ZNF711: variants seen among roughly 807,000 people sequenced by gnomAD.
ZNF711 encodes ZFX family zinc finger ZNF711.
Under a neutral mutation model 43.5 loss-of-function variants are expected in ZNF711, and 3 were observed. The ratio of observed to expected loss-of-function variants is 0.07; its 90% CI spans 0.03 to 0.18. The LOEUF (loss-of-function observed/expected upper bound fraction) is 0.18, where lower values mean the gene tolerates loss of function less well. ZNF711 is among the 10% of genes least tolerant of loss of function. ZNF711 has a pLI of 1.00. For synonymous variants in ZNF711, 209 were observed against 207.7 expected (o/e 1.01, Z -0.06); for missense variants, 412 against 604.0 (o/e 0.68, Z 3.33).
chrX:85,255,682 A>T lies in ZNF711; in HGVS notation c.503A>T (p.Asp168Val). Reference sequence around the variant, plus strand: ...GAGGAGGTTCTTGTAACTAATTCAGATACAGAAACTGTGATTCAAGCAGCT... The same window carrying T: ...GAGGAGGTTCTTGTAACTAATTCAGTTACAGAAACTGTGATTCAAGCAGCT... Reference protein sequence around the residue: ...VSEEVLVTNSDTETVIQAAGG... With the variant: ...VSEEVLVTNSVTETVIQAAGG... Residue 168 changes from aspartate to valine, a missense_variant, in exon 5 of 11, where the codon GAT (aspartate) becomes GTT (valine). This residue lies in a region of ZNF711 where 375 missense variants were observed against 514.2 expected (regional missense o/e 0.73). Transcript: ENST00000674551. The T allele has an allele frequency of 1.7e-6, 2 of 1,211,309 alleles. No homozygotes were observed. Among genetic ancestry groups the T allele is most frequent in the South Asian group, 3.5e-5 (2 of 56,969 alleles).
Position 85,271,366 on chromosome X carries a change from C to G in ZNF711, c.1962C>G (p.His654Gln). Residue 654 changes from histidine to glutamine, a missense_variant, in exon 11 of 11, where the codon CAC (histidine) becomes CAG (glutamine). Physicochemically the swap from His to Gln is conservative, Grantham distance 24. Transcript: ENST00000674551. ...CCAATTCAAGTGACCTTAAGCGGCA[C>G]ATCATATCTGTCCATACTAAGGATT... ...KSTNSSDLKRHIISVHTKDFP... is the reference protein window; with the variant it reads ...KSTNSSDLKRQIISVHTKDFP... 1 of 1,210,653 alleles carries G rather than the reference C, an allele frequency of 8.3e-7. No homozygotes were observed. Among genetic ancestry groups the G allele is most frequent in the Non-Finnish European group, 1.1e-6 (1 of 895,012 alleles).
rs1256021194 is a variant in ZNF711, at chrX:85,255,730, T to G, written c.551T>G (p.Val184Gly). ...QAAGGVPGST[V>G]TIKTEDDDDD... Reference sequence around the variant, plus strand: ...GCTGGAGGTGTTCCTGGTTCTACAGTTACTATAAAAACCGAAGATGATGAT... The same window carrying G: ...GCTGGAGGTGTTCCTGGTTCTACAGGTACTATAAAAACCGAAGATGATGAT... The change falls in exon 5 of 11, where the codon GTT (valine) becomes GGT (glycine). Residue 184 changes from valine (V) to glycine (G), a missense_variant. By Grantham distance (109) the Val-to-Gly change is moderately radical. Coordinates refer to ENST00000674551, the MANE Select transcript of ZNF711 (RefSeq NM_001330574.2). 1 of 1,210,793 alleles carries G rather than the reference T, an allele frequency of 8.3e-7. No homozygotes were observed. Among genetic ancestry groups the G allele is most frequent in the Non-Finnish European group, 1.1e-6 (1 of 895,183 alleles).
intron 4 of ZNF711, among the ~76,000 whole-genome samples, chrX:85,252,921 A>G (rs926398590): frequency 4.5e-5 from 5 of 112,086 alleles, no homozygotes; most frequent in African/African-American, 1.6e-4. Context: ...CTTGGTAACT[A>G]ACTTCCATAA....
At chrX:85,262,424 G>A (rs1930736615) in intron 5 of ZNF711, among the ~76,000 whole-genome samples, 2 of 110,029 alleles carry the variant, frequency 1.8e-5, no homozygotes, top group Non-Finnish European at 3.8e-5. Flanking sequence ...AGTTATTTCA[G>A]CCTAAAAGTT....
intron 6 of ZNF711, among the ~76,000 whole-genome samples, chrX:85,264,907 C>T (rs1006899867): frequency 1.4e-4 from 15 of 110,913 alleles, no homozygotes; most frequent in African/African-American, 4.9e-4. Context: ...TACTGCTTGG[C>T]ATATAAGCTT....
chrX:85,269,121 G>A (rs892864737), intron 9 of ZNF711, among the ~76,000 whole-genome samples: 2 of 111,284 alleles, frequency 1.8e-5, no homozygotes, highest in East Asian at 2.8e-4. Context: ...ATGTTAACCC[G>A]TAAAATCAAT....
chrX:85,254,853 C>T (rs1387050244), intron 4 of ZNF711, among the ~76,000 whole-genome samples: 3 of 108,908 alleles, frequency 2.8e-5, no homozygotes, highest in African/African-American at 1.0e-4. Context: ...AAACTATTTT[C>T]GAGAGTGGCT....
At chrX:85,268,248 C>T (rs1173279026) in intron 8 of ZNF711, 46 bp from the exon 9 acceptor site, 106 of 1,126,247 alleles carry the variant, frequency 9.4e-5, no homozygotes, top group Non-Finnish European at 1.2e-4. Context: ...TTATAATTAG[C>T]ATATCAGTTT....
At chrX:85,251,392 A>C (rs1929540039) in intron 4 of ZNF711, among the ~76,000 whole-genome samples, 1 of 111,731 alleles carries the variant, frequency 9.0e-6, no homozygotes, top group African/African-American at 3.2e-5. Context: ...GTTGTTTAAG[A>C]TTTTAATGCT....
chrX:85,255,123 A>G (rs1930003628), intron 4 of ZNF711, 136 bp from the exon 5 acceptor site: 1 of 646,153 alleles, frequency 1.5e-6, no homozygotes, highest in Non-Finnish European at 2.3e-6. Flanking sequence ...TAAATTGTCA[A>G]TGATTTTAAA....
intron 5 of ZNF711, among the ~76,000 whole-genome samples, chrX:85,260,036 C>G (rs1463778815): frequency 1.8e-5 from 2 of 111,069 alleles, no homozygotes. Context: ...TCATAAATGG[C>G]TGTTATTATT....
chrX:85,256,862 A>G (rs1930187709), intron 5 of ZNF711, among the ~76,000 whole-genome samples: 1 of 111,812 alleles, frequency 8.9e-6, no homozygotes, highest in South Asian at 3.7e-4. Flanking sequence ...TTAAATAGAT[A>G]TAGATTACTA....
chrX:85,266,568 G>A (rs1278916403), intron 7 of ZNF711, among the ~76,000 whole-genome samples: 2 of 110,050 alleles, frequency 1.8e-5, no homozygotes, highest in Non-Finnish European at 3.8e-5. Context: ...TGAATCAAAG[G>A]AAAAGCAAAA....
In ZNF711 at chrX:85,271,443, T is replaced by A; in HGVS notation, c.2039T>A (p.Leu680His). The A allele has an allele frequency of 8.3e-7, 1 of 1,211,049 alleles. No homozygotes were observed. The highest frequency in any genetic ancestry group is 1.1e-6 in the Non-Finnish European group (1 of 895,184). The change falls in exon 11 of 11, where the codon CTC becomes CAC. Residue 680 changes from leucine (L) to histidine (H), a missense_variant. Leu to His is a moderately conservative substitution (Grantham distance 99). Transcript: ENST00000674551. The part of the protein sequence containing the change: ...CDKGFHRPSE[L>H]KKHSDIHKGR... ...AAAGGTTTTCATCGTCCTTCTGAGC[T>A]CAAAAAGCATAGTGATATCCATAAG...
At chrX:85,244,987 G>A (rs1212609483) in intron 1 of ZNF711, 2 of 112,030 alleles carry the variant, frequency 1.8e-5, no homozygotes, top group Non-Finnish European at 3.8e-5. Flanking sequence ...AGTCAGATGG[G>A]TAATACCTCA....
intron 4 of ZNF711, among the ~76,000 whole-genome samples, chrX:85,253,636 G>A (rs1365457644): frequency 1.8e-5 from 2 of 109,858 alleles, no homozygotes; most frequent in African/African-American, 3.3e-5. Flanking sequence ...ACATATATTC[G>A]TGTGTGTGTA....
intron 7 of ZNF711, among the ~76,000 whole-genome samples, chrX:85,265,532 C>G (rs1643458615): frequency 1.8e-5 from 2 of 110,487 alleles, no homozygotes; most frequent in Admixed American, 1.9e-4. Flanking sequence ...CAGTGAAGCT[C>G]AAAAATATGT....
At position 85,270,137 on chromosome X, in the gene ZNF711, T is replaced by C. The variant is rs749131017; in HGVS notation, c.1237T>C (p.Trp413Arg). 8.3e-7 allele frequency: 1 copy of C among 1,207,332 alleles called. No homozygotes were observed. Among genetic ancestry groups the C allele is most frequent in the African/African-American group, 1.8e-5 (1 of 57,002 alleles). ...KKRRRGETRQ[W>R]QTAVIIGPDG... The stretch of plus-strand genomic sequence containing the variant: ...GAGGAGAAGGGGAGAAACCAGGCAG[T>C]GGCAAACAGGTAAATACTTTGCTTT... The change falls in exon 10 of 11, where the codon TGG (tryptophan) becomes CGG (arginine). Residue 413 changes from tryptophan to arginine, a missense_variant. This residue lies in a region of ZNF711 where 375 missense variants were observed against 514.2 expected (regional missense o/e 0.73). Transcript: ENST00000674551.
chrX:85,256,594 A>T (rs1048238289), intron 5 of ZNF711, among the ~76,000 whole-genome samples: 21 of 111,577 alleles, frequency 1.9e-4, no homozygotes, highest in Middle Eastern at 4.6e-3. Flanking sequence ...TATTCTTTTT[A>T]AAATACAAAA....
Sources: allele counts gnomAD v4.1 joint callset (sites outside exome capture counted in the v4.1 genomes callset), GRCh38; gene constraint gnomAD v4.1.1; regional missense constraint gnomAD v4.1.1; transcripts MANE v1.5; gene names NCBI Gene and HGNC (gene_info 2026-07-23, HGNC 2026-07-21).